ADGRL3: variants seen among roughly 807,000 people sequenced by gnomAD.
ADGRL3 encodes the protein adhesion G protein-coupled receptor L3, also known as calcium-independent alpha-latrotoxin receptor 3.
ADGRL3 carries 62 observed loss-of-function variants against 153.5 expected under a neutral mutation model. That is an observed-to-expected ratio of 0.40 (90% confidence interval 0.33 to 0.50). The LOEUF (loss-of-function observed/expected upper bound fraction) is 0.50, where lower values mean the gene tolerates loss of function less well. ADGRL3 is among the 20% of genes least tolerant of loss of function. ADGRL3 has a pLI of 0.47. For missense variants in ADGRL3, 1,641 were observed against 1,859.4 expected, an observed-to-expected ratio of 0.88 and a Z score of 2.16; for synonymous variants, 710 against 672.5, an observed-to-expected ratio of 1.06 and a Z score of -0.86.
intron 4 of ADGRL3, among the ~76,000 whole-genome samples, chr4:61,539,163 G>A (rs975224982): frequency 3.7e-4 from 56 of 152,164 alleles, no homozygotes; most frequent in Non-Finnish European, 1.3e-4. Flanking sequence ...TGTAGGGAGG[G>A]AAAGATGGGC....
intron 6 of ADGRL3, among the ~76,000 whole-genome samples, chr4:61,718,523 T>G (rs1195486531): frequency 2.0e-5 from 3 of 152,282 alleles, no homozygotes; most frequent in Non-Finnish European, 4.4e-5. Flanking sequence ...AAGTTGAATT[T>G]TTTTACAAAA....
intron 2 of ADGRL3, among the ~76,000 whole-genome samples, chr4:61,461,564 A>C (rs957446578): frequency 6.6e-6 from 1 of 152,206 alleles, no homozygotes; most frequent in Non-Finnish European, 1.5e-5. Flanking sequence ...TATACGCCAA[A>C]AATATATCTT....
intron 4 of ADGRL3, among the ~76,000 whole-genome samples, chr4:61,526,641 T>C (rs768698523): frequency 7.9e-5 from 12 of 151,982 alleles, no homozygotes; most frequent in Non-Finnish European, 1.2e-4. Context: ...CTGGGTATGG[T>C]GGTGCATCCC....
rs1265183605 is a variant in ADGRL3 at position 61,432,639 on chromosome 4, TTTCTTTCTTTCTTTC to T, written c.-174+49453_-174+49467del. Among the ~76,000 whole-genome samples the T allele has an allele frequency of 4.1e-3, 345 of 83,460 alleles. 47 individuals carry two copies. The highest frequency in any genetic ancestry group is 0.015 in the South Asian group (29 of 1,964). 54.8% of individuals were successfully genotyped at this position (83,460 alleles called of 152,430 possible). A position where few individuals can be genotyped will look rare whatever the true frequency, so the allele number is the denominator to read the frequency against. ...CTTTCTTTCTTTCTTTCTTTCTTTC[TTTCTTTCTTTCTTTC>T]TTTTTTTTTTTTTTTTGAGACAGAA... On this transcript the variant is annotated intron_variant, in intron 2 of 26. Coordinates refer to ENST00000683033, the MANE Select transcript of ADGRL3 (RefSeq NM_001387552.1).
At chr4:61,363,405 T>C (rs1404878265) in intron 1 of ADGRL3, among the ~76,000 whole-genome samples, 1 of 152,162 alleles carries the variant, frequency 6.6e-6, no homozygotes, top group Non-Finnish European at 1.5e-5. Flanking sequence ...GCTATATTTT[T>C]ATCTGGTAGT....
chr4:61,497,153 T>C lies in ADGRL3; in HGVS notation c.-141T>C. 3.3e-6 allele frequency: 2 copies of C among 611,134 alleles called. No homozygotes were observed. The highest frequency in any genetic ancestry group is 5.6e-6 in the Non-Finnish European group (2 of 354,236). 37.9% of individuals were successfully genotyped at this position (611,134 alleles called of 1,614,324 possible). A position where few individuals can be genotyped will look rare whatever the true frequency, so the allele number is the denominator to read the frequency against. On this transcript the variant is annotated 5_prime_UTR_variant, in exon 3 of 27. Coordinates refer to ENST00000683033, the MANE Select transcript of ADGRL3 (RefSeq NM_001387552.1). ...ATTTGGGATATTGGTGTTTCTGTTTTGGAGAAATTATTCTTTTTCTTTTTA... is the reference window on the plus strand; with the variant it reads ...ATTTGGGATATTGGTGTTTCTGTTTCGGAGAAATTATTCTTTTTCTTTTTA...
intron 5 of ADGRL3, among the ~76,000 whole-genome samples, chr4:61,598,849 A>G (rs1021249467): frequency 3.9e-5 from 6 of 151,990 alleles, no homozygotes; most frequent in East Asian, 1.9e-4. Context: ...TTTTCTTTTG[A>G]TTTTGTCAGG....
At chr4:61,766,545 A>G (rs1219462572) in intron 8 of ADGRL3, among the ~76,000 whole-genome samples, 10 of 151,604 alleles carry the variant, frequency 6.6e-5, no homozygotes, top group African/African-American at 2.4e-4. Flanking sequence ...GGTTTGAGAG[A>G]TCAGTCGGAC....
At chr4:62,061,865 G>A (rs529595449) in intron 25 of ADGRL3, among the ~76,000 whole-genome samples, 6 of 152,114 alleles carry the variant, frequency 3.9e-5, no homozygotes, top group Middle Eastern at 3.4e-3. Flanking sequence ...CTCACCAGTT[G>A]AAGGAAATTT....
At chr4:61,640,974 A>G (rs2093640290) in intron 5 of ADGRL3, among the ~76,000 whole-genome samples, 1 of 152,156 alleles carries the variant, frequency 6.6e-6, no homozygotes, top group South Asian at 2.1e-4. Context: ...CTTTCAAAAT[A>G]TATTTTTGAT....
chr4:61,395,393 A>G (rs2096857228), intron 2 of ADGRL3, among the ~76,000 whole-genome samples: 1 of 152,014 alleles, frequency 6.6e-6, no homozygotes, highest in South Asian at 2.1e-4. Flanking sequence ...CATTGTGCTA[A>G]TGCTAATTGA....
intron 5 of ADGRL3, among the ~76,000 whole-genome samples, chr4:61,615,753 A>G (rs1382552929): frequency 2.0e-5 from 3 of 152,066 alleles, no homozygotes; most frequent in African/African-American, 7.2e-5. Context: ...ATTGAAAACT[A>G]TCATAGATTT....
At chr4:61,828,440 G>A (rs1338548003) in intron 9 of ADGRL3, among the ~76,000 whole-genome samples, 2 of 152,152 alleles carry the variant, frequency 1.3e-5, no homozygotes, top group Non-Finnish European at 2.9e-5. Context: ...GGTGGTGGAT[G>A]TAGGGGCAAA....
chr4:61,863,607 T>C (rs188757142), intron 9 of ADGRL3, among the ~76,000 whole-genome samples: 1 of 152,318 alleles, frequency 6.6e-6, no homozygotes, highest in African/African-American at 2.4e-5. Flanking sequence ...TTGGTAGCAA[T>C]ATGCAAACAG....
At chr4:61,248,375 A>G (rs1757905328) in intron 1 of ADGRL3, among the ~76,000 whole-genome samples, 1 of 152,142 alleles carries the variant, frequency 6.6e-6, no homozygotes, top group Non-Finnish European at 1.5e-5. Flanking sequence ...ATTACTTACT[A>G]AGCAACTCAT....
chr4:61,426,272 G>C (rs2097279233), intron 2 of ADGRL3, among the ~76,000 whole-genome samples: 1 of 152,198 alleles, frequency 6.6e-6, no homozygotes, highest in Non-Finnish European at 1.5e-5. Flanking sequence ...ATTGCCATAG[G>C]TGTCTCCTTC....
At chr4:61,975,683 A>G (rs1303108465) in intron 17 of ADGRL3, among the ~76,000 whole-genome samples, 1 of 152,206 alleles carries the variant, frequency 6.6e-6, no homozygotes, top group African/African-American at 2.4e-5. Context: ...TCTTCATAAG[A>G]AATCAGATGG....
intron 8 of ADGRL3, among the ~76,000 whole-genome samples, chr4:61,808,990 C>G (rs909047952): frequency 6.6e-6 from 1 of 151,922 alleles, no homozygotes; most frequent in Admixed American, 6.6e-5. Flanking sequence ...TTATTAAAAA[C>G]CTCAAGAGTA....
chr4:61,591,502 A>C (rs1355868349), intron 5 of ADGRL3, among the ~76,000 whole-genome samples: 1 of 152,132 alleles, frequency 6.6e-6, no homozygotes, highest in East Asian at 1.9e-4. Flanking sequence ...AAATCAAGTT[A>C]AATTTAATGG....
Sources: gnomAD v4.1 joint callset for allele counts (sites outside exome capture counted in the v4.1 genomes callset) on GRCh38, gnomAD v4.1.1 for gene constraint, MANE v1.5 for transcripts, NCBI Gene and HGNC (gene_info 2026-07-23, HGNC 2026-07-21) for gene names.